The following TCF12 variants were observed in gnomAD, a reference collection of about 807,000 sequenced individuals.
The protein encoded by TCF12 is transcription factor 12.
TCF12 carries 45 observed loss-of-function variants against 86.0 expected under a neutral mutation model. The ratio of observed to expected loss-of-function variants is 0.52; its 90% CI spans 0.41 to 0.67. TCF12 has a LOEUF of 0.67. TCF12 is among the 30% of genes least tolerant of loss of function. The probability of loss-of-function intolerance (pLI) is 0.00; values close to 1 mark genes in which losing one functional copy is unlikely to be tolerated. For synonymous variants in TCF12, 330 were observed against 299.6 expected (o/e 1.10, Z -1.05); for missense variants, 881 against 859.9 (o/e 1.02, Z -0.31).
chr15:57,184,860 A>G lies in TCF12; in HGVS notation c.391-7298A>G, dbSNP rs75281820. ...CTACTCTCACATAACACCATCAGAAAATTCATAGCTGATGGTCTGTCATAT... is the reference window on the plus strand; with the variant it reads ...CTACTCTCACATAACACCATCAGAAGATTCATAGCTGATGGTCTGTCATAT... On this transcript the variant is annotated intron_variant, in intron 6 of 20. Coordinates refer to ENST00000333725, the MANE Select transcript of TCF12 (RefSeq NM_207037.2). Among the ~76,000 whole-genome samples the G allele has an allele frequency of 1.4e-3, 219 of 152,264 alleles. 1 individual carries two copies. The highest frequency in any genetic ancestry group is 3.1e-3 in the East Asian group (16 of 5,190).
chr15:56,919,820 G>A (rs1280477210), intron 1 of TCF12, 72 bp from the exon 2 acceptor site: 1 of 1,383,422 alleles, frequency 7.2e-7, no homozygotes, highest in East Asian at 2.3e-5. Flanking sequence ...ATCTTCCCCA[G>A]TACCTCTCTC....
intron 3 of TCF12, among the ~76,000 whole-genome samples, chr15:56,967,077 G>A (rs1240943874): frequency 1.3e-5 from 2 of 152,070 alleles, no homozygotes; most frequent in Admixed American, 6.5e-5. Flanking sequence ...AGTCGAGATC[G>A]TGCCACTGCA....
At chr15:57,075,834 CTT>C (rs748324616) in intron 4 of TCF12, among the ~76,000 whole-genome samples, 2 of 48,860 alleles carry the variant, frequency 4.1e-5, no homozygotes, top group African/African-American at 9.0e-5. Flanking sequence ...CTCTCTCTCT[CTT>C]TTCTTTCTTT....
chr15:56,993,405 T>C (rs958090860), intron 3 of TCF12, among the ~76,000 whole-genome samples: 1 of 152,182 alleles, frequency 6.6e-6, no homozygotes, highest in Non-Finnish European at 1.5e-5. Flanking sequence ...TCTTCATCTC[T>C]TTGTTCTTCC....
chr15:57,144,545 C>T (rs1342510859), intron 5 of TCF12, among the ~76,000 whole-genome samples: 1 of 152,050 alleles, frequency 6.6e-6, no homozygotes, highest in African/African-American at 2.4e-5. Context: ...AACTTGTGAC[C>T]GTTTTGTACT....
At chr15:57,271,352 G>A (rs543050195) in intron 18 of TCF12, among the ~76,000 whole-genome samples, 9 of 152,328 alleles carry the variant, frequency 5.9e-5, no homozygotes, top group Non-Finnish European at 1.0e-4. Context: ...AGACTGCTGC[G>A]CTAGCAGCAA....
intron 3 of TCF12, among the ~76,000 whole-genome samples, chr15:57,051,335 G>A (rs1305937582): frequency 6.6e-6 from 1 of 152,164 alleles, no homozygotes; most frequent in Non-Finnish European, 1.5e-5. Context: ...TTTATGTTGA[G>A]AGGTCATAAA....
chr15:57,086,698 C>T (rs1213174806), intron 4 of TCF12, among the ~76,000 whole-genome samples: 4 of 78,376 alleles, frequency 5.1e-5, no homozygotes, highest in African/African-American at 1.5e-4. Context: ...GCCTCTTTCC[C>T]TCCCTTTAAA....
At chr15:57,001,384 A>C (rs187911285) in intron 3 of TCF12, 7 of 181,294 alleles carry the variant, frequency 3.9e-5, no homozygotes, top group African/African-American at 1.6e-4. Context: ...CCAATATTTC[A>C]GTAAGTATTT....
chr15:56,990,244 TGTGTGC>T (rs1470490442), intron 3 of TCF12, among the ~76,000 whole-genome samples: 7 of 140,570 alleles, frequency 5.0e-5, no homozygotes, highest in Admixed American at 1.4e-4. Context: ...TGTGTGTCTG[TGTGTGC>T]GTGTGCGTGT....
chr15:57,100,200 G>A (rs2049629511), intron 5 of TCF12, among the ~76,000 whole-genome samples: 1 of 152,122 alleles, frequency 6.6e-6, no homozygotes, highest in Admixed American at 6.5e-5. Context: ...CCTGTAGGGA[G>A]GTGGATGACA....
intron 5 of TCF12, among the ~76,000 whole-genome samples, chr15:57,098,024 A>C (rs1369657693): frequency 2.7e-5 from 4 of 149,606 alleles, no homozygotes; most frequent in Non-Finnish European, 4.5e-5. Flanking sequence ...AAAAAAAAAA[A>C]AAAAAAAAAA....
chr15:57,100,710 G>A (rs1325759424), intron 5 of TCF12, among the ~76,000 whole-genome samples: 2 of 152,050 alleles, frequency 1.3e-5, no homozygotes, highest in East Asian at 1.9e-4. Context: ...AGAAGTAGGG[G>A]GAGGTATTCC....
intron 3 of TCF12, among the ~76,000 whole-genome samples, chr15:57,002,140 A>G (rs1376521196): frequency 2.6e-5 from 4 of 152,190 alleles, no homozygotes; most frequent in Non-Finnish European, 5.9e-5. Flanking sequence ...AGTAGCTCTA[A>G]AAGACTAAAA....
In TCF12 at chr15:57,157,626, G is replaced by A. The variant is rs527699335; in HGVS notation, c.326-8776G>A. On this transcript the variant is annotated intron_variant, in intron 5 of 20. Transcript: ENST00000333725. ...CACCCAGGCTGGAGTACAATGGCTC[G>A]ATCTAGGCTCACTGCAACCTCCACC... Among the ~76,000 whole-genome samples, 192 of 149,562 alleles carry A rather than the reference G, an allele frequency of 1.3e-3. 1 individual carries two copies. The highest frequency in any genetic ancestry group is 4.4e-3 in the African/African-American group (177 of 40,466).
intron 4 of TCF12, among the ~76,000 whole-genome samples, chr15:57,081,721 G>T (rs1261136155): frequency 6.6e-6 from 1 of 151,884 alleles, no homozygotes; most frequent in Non-Finnish European, 1.5e-5. Flanking sequence ...TTGTTTGTTT[G>T]TTTGTTGTTT....
upstream of TCF12, chr15:56,918,539 G>A (rs2059603247): frequency 7.0e-6 from 2 of 285,208 alleles, no homozygotes; most frequent in South Asian, 2.6e-5. Flanking sequence ...GTCCCCGACA[G>A]CTCCTCCCCG....
chr15:57,046,201 G>C (rs1438226378), intron 3 of TCF12, among the ~76,000 whole-genome samples: 1 of 152,140 alleles, frequency 6.6e-6, no homozygotes, highest in Non-Finnish European at 1.5e-5. Flanking sequence ...ATTTAACAGA[G>C]GAAGAAGCAG....
At chr15:57,090,341 A>G (rs1313193971) in intron 4 of TCF12, among the ~76,000 whole-genome samples, 1 of 152,232 alleles carries the variant, frequency 6.6e-6, no homozygotes, top group Non-Finnish European at 1.5e-5. Flanking sequence ...ACTTATGGTT[A>G]TAGTTACCAG....
Sources: allele counts gnomAD v4.1 joint callset (sites outside exome capture counted in the v4.1 genomes callset), GRCh38; gene constraint gnomAD v4.1.1; transcripts MANE v1.5; gene names NCBI Gene and HGNC (gene_info 2026-07-23, HGNC 2026-07-21).